Variants in TMEM132E observed in about 807,000 individuals in gnomAD.
TMEM132E encodes transmembrane protein 132E.
A neutral mutation model predicts 78.5 loss-of-function variants in TMEM132E; 49 were observed. The ratio of observed to expected loss-of-function variants is 0.62; its 90% CI spans 0.50 to 0.79. The LOEUF (loss-of-function observed/expected upper bound fraction) is 0.79. Ranked by LOEUF, TMEM132E falls within the 30% of genes least tolerant of loss-of-function variation. The probability of loss-of-function intolerance (pLI) is 0.00; values close to 1 mark genes in which losing one functional copy is unlikely to be tolerated. For synonymous variants in TMEM132E, 715 were observed against 670.6 expected (o/e 1.07, Z -1.02); for missense variants, 1,403 against 1,470.9 (o/e 0.95, Z 0.75).
intron 1 of TMEM132E, among the ~76,000 whole-genome samples, chr17:34,608,067 G>T (rs991934156): frequency 1.3e-5 from 2 of 152,170 alleles, no homozygotes; most frequent in Admixed American, 6.5e-5. Context: ...GGGGCTGAAG[G>T]TTTCAACCTT....
Position 34,593,398 on chromosome 17 carries a change from G to A in TMEM132E, c.67+12255G>A, listed in dbSNP as rs182275719. Reference sequence around the variant, plus strand: ...CAGCAGCATATCTTCATGCCAACTAGCCACATTTCAGTTGCTCCACAGCCA... The same window carrying A: ...CAGCAGCATATCTTCATGCCAACTAACCACATTTCAGTTGCTCCACAGCCA... On this transcript the variant is annotated intron_variant, in intron 1 of 8. Transcript: ENST00000631683. Among the ~76,000 whole-genome samples the A allele has an allele frequency of 2.8e-4, 42 of 152,302 alleles. No homozygotes were observed. The East Asian group carries it at 7.9e-3, about 29-fold the overall frequency.
intron 1 of TMEM132E, among the ~76,000 whole-genome samples, chr17:34,591,435 A>G (rs1905868154): frequency 1.3e-5 from 2 of 152,100 alleles, no homozygotes; most frequent in African/African-American, 4.8e-5. Context: ...ATCCCCAAGT[A>G]GCTGGGACTA....
At chr17:34,624,203 C>G (rs1907051967) in intron 1 of TMEM132E, among the ~76,000 whole-genome samples, 1 of 152,250 alleles carries the variant, frequency 6.6e-6, no homozygotes, top group Admixed American at 6.5e-5. Context: ...TTTTAGTTCA[C>G]CGCTTTTGCG....
At chr17:34,636,246 G>A in intron 8 of TMEM132E, 48 bp downstream of exon 8, 1 of 1,399,862 alleles carries the variant, frequency 7.1e-7, no homozygotes, top group Non-Finnish European at 9.4e-7. Context: ...GGTATGGAAG[G>A]AGAACTTGGG....
Position 34,637,283 on chromosome 17 carries a change from A to C in TMEM132E, c.2276A>C (p.His759Pro). 3.1e-6 allele frequency: 5 copies of C among 1,614,110 alleles called. No homozygotes were observed. The South Asian group carries it at 5.5e-5, about 18-fold the overall frequency. The change falls in exon 9 of 9, where the codon CAT becomes CCT. Residue 759 changes from histidine to proline, a missense_variant. Around this residue, in one of 3 missense-constraint regions of TMEM132E, gnomAD observed 888 missense variants for 952.8 expected, o/e 0.93. Transcript: ENST00000631683. ...CTGCTAGTGAGCAGCCTGGATGAGC[A>C]TGTGGCCACTGTGACCCAGGACCGG... Reference protein sequence around the residue: ...YGLLVSSLDEHVATVTQDRAF... With the variant: ...YGLLVSSLDEPVATVTQDRAF...
intron 1 of TMEM132E, among the ~76,000 whole-genome samples, chr17:34,604,482 G>A (rs1054197808): frequency 1.3e-5 from 2 of 152,094 alleles, no homozygotes; most frequent in Admixed American, 1.3e-4. Flanking sequence ...GCTCCTCATG[G>A]CAGCATCCAA....
At chr17:34,613,227 G>GCGCGCC (rs57158566) in intron 1 of TMEM132E, among the ~76,000 whole-genome samples, 3 of 149,972 alleles carry the variant, frequency 2.0e-5, no homozygotes, top group Non-Finnish European at 4.4e-5. Flanking sequence ...GCGCGCGCGC[G>GCGCGCC]TTCTTACATT....
chr17:34,598,531 G>A (rs1906129955), intron 1 of TMEM132E, among the ~76,000 whole-genome samples: 2 of 152,140 alleles, frequency 1.3e-5, no homozygotes, highest in Non-Finnish European at 2.9e-5. Flanking sequence ...GGGAAGCTCA[G>A]CAGGCAGAGG....
chr17:34,628,463 G>C lies in TMEM132E; in HGVS notation c.999-100G>C. On this transcript the variant is annotated intron_variant, in intron 2 of 8. Transcript: ENST00000631683. ...GGACTCGGGGTAACTTAGCTTATCT[G>C]TTCCCCCTCCCCCCAGTACAGTCTA... 4.3e-6 allele frequency: 6 copies of C among 1,400,584 alleles called. No individual in the cohort carries two copies. In the South Asian group the frequency reaches 5.8e-5, roughly 14 times the overall value. The allele number at this position is 1,400,584 out of a possible 1,614,324, so 86.8% of individuals were successfully genotyped here.
intron 1 of TMEM132E, among the ~76,000 whole-genome samples, chr17:34,604,292 C>A (rs182973987): frequency 6.6e-6 from 1 of 152,290 alleles, no homozygotes; most frequent in East Asian, 1.9e-4. Context: ...GGGGACTCCA[C>A]ATCTCTCCCC....
intron 1 of TMEM132E, among the ~76,000 whole-genome samples, chr17:34,585,347 G>A (rs748748687): frequency 2.0e-5 from 3 of 152,214 alleles, no homozygotes; most frequent in Non-Finnish European, 4.4e-5. Flanking sequence ...ACTTGAGATT[G>A]GTAGTGAGTG....
intron 4 of TMEM132E, 54 bp from the exon 5 acceptor site, chr17:34,629,954 G>T: frequency 6.4e-7 from 1 of 1,550,614 alleles, no homozygotes; most frequent in Admixed American, 1.8e-5. Flanking sequence ...TGGCTAGTGT[G>T]TCCCAGGACA....
At chr17:34,621,657 T>A (rs1209929076) in intron 1 of TMEM132E, among the ~76,000 whole-genome samples, 1 of 152,020 alleles carries the variant, frequency 6.6e-6, no homozygotes, top group Non-Finnish European at 1.5e-5. Flanking sequence ...AGAGCCCAGG[T>A]CATCAGCAGG....
chr17:34,624,765 GA>G (rs1401532431), intron 1 of TMEM132E, among the ~76,000 whole-genome samples: 2 of 152,100 alleles, frequency 1.3e-5, no homozygotes, highest in Non-Finnish European at 2.9e-5. Context: ...AGTGAGTTTG[GA>G]TTTTATTTTG....
At chr17:34,583,090 C>A (rs1251913187) in intron 1 of TMEM132E, among the ~76,000 whole-genome samples, 2 of 152,198 alleles carry the variant, frequency 1.3e-5, no homozygotes, top group African/African-American at 4.8e-5. Context: ...TTTCCTTAGG[C>A]ACCAGTGCCC....
In TMEM132E at chr17:34,638,333, T is replaced by A. The variant is rs970720336; in HGVS notation, c.*101T>A. On this transcript the variant is annotated 3_prime_UTR_variant, in exon 9 of 9. Transcript: ENST00000631683. ...TTCACACTGACTCTGGGCGGCTGAA[T>A]TGATTTTGTACTCCCTGCCCCTGCA... The A allele has an allele frequency of 3.1e-6, 4 of 1,287,342 alleles. No individual in the cohort carries two copies. The highest frequency in any genetic ancestry group is 4.2e-6 in the Non-Finnish European group (4 of 957,958). The allele number at this position is 1,287,342 out of a possible 1,614,324, so 79.7% of individuals were successfully genotyped here.
chr17:34,594,008 C>T (rs1230192663), intron 1 of TMEM132E, among the ~76,000 whole-genome samples: 1 of 152,192 alleles, frequency 6.6e-6, no homozygotes, highest in Non-Finnish European at 1.5e-5. Context: ...ATTCCCGCCT[C>T]TTACCTCCTA....
intron 1 of TMEM132E, among the ~76,000 whole-genome samples, chr17:34,617,684 C>A (rs1906826946): frequency 3.9e-5 from 6 of 152,196 alleles, no homozygotes; most frequent in African/African-American, 1.2e-4. Context: ...CAAGGACACA[C>A]AGCTATGTCA....
intron 1 of TMEM132E, among the ~76,000 whole-genome samples, chr17:34,619,686 C>T (rs946249515): frequency 1.3e-5 from 2 of 152,012 alleles, no homozygotes; most frequent in African/African-American, 2.4e-5. Context: ...GCCATGATAA[C>T]AATGCCTGGG....
Sources: gnomAD v4.1 joint callset for allele counts (sites outside exome capture counted in the v4.1 genomes callset) on GRCh38, gnomAD v4.1.1 for gene constraint, gnomAD v4.1.1 regional missense constraint, MANE v1.5 for transcripts, NCBI Gene and HGNC (gene_info 2026-07-23, HGNC 2026-07-21) for gene names.